The following ABLIM1 variants were observed in gnomAD, a reference collection of about 807,000 sequenced individuals.
ABLIM1 encodes the protein actin binding LIM protein 1.
A neutral mutation model predicts 107.0 loss-of-function variants in ABLIM1; 40 were observed. The ratio of observed to expected loss-of-function variants is 0.37; its 90% CI spans 0.29 to 0.49. ABLIM1 has a LOEUF of 0.49. ABLIM1 is among the 20% of genes least tolerant of loss of function. ABLIM1 has a pLI of 0.97. For missense variants in ABLIM1, 857 were observed against 1,008.5 expected (o/e 0.85, Z 2.04); for synonymous variants, 357 against 357.3 (o/e 1.00, Z 0.01).
At chr10:114,586,238 A>G (rs1470197527) in intron 2 of ABLIM1, among the ~76,000 whole-genome samples, 1 of 144,138 alleles carries the variant, frequency 6.9e-6, no homozygotes, top group Admixed American at 7.0e-5. Context: ...ATTGACCACC[A>G]CTCAATAACC....
rs1486100189 is a variant in ABLIM1 at position 114,527,366 on chromosome 10, A to AT, written c.894+17638dup. 2.0e-5 allele frequency among the ~76,000 whole-genome samples: 3 copies of AT among 152,212 alleles called. No individual in the cohort carries two copies. In the East Asian group the frequency reaches 5.8e-4, roughly 29 times the overall value. ...GACAAATATGATTGGAAAACCTCTT[A>AT]TCAAGCTTTCTTGATTCATATTTTT... On this transcript the variant is annotated intron_variant, in intron 6 of 22. Transcript: ENST00000533213.
chr10:114,492,895 G>A (rs768747684), intron 6 of ABLIM1, among the ~76,000 whole-genome samples: 15 of 152,146 alleles, frequency 9.9e-5, no homozygotes, highest in Non-Finnish European at 1.9e-4. Context: ...GATCCACTTA[G>A]CAACCAGCAC....
chr10:114,693,540 C>T (rs1180660457), intron 1 of ABLIM1, among the ~76,000 whole-genome samples: 1 of 152,208 alleles, frequency 6.6e-6, no homozygotes, highest in Admixed American at 6.5e-5. Flanking sequence ...TCAGGTCTAT[C>T]CCCTGCAGCT....
intron 1 of ABLIM1, among the ~76,000 whole-genome samples, chr10:114,710,455 C>T (rs946999812): frequency 1.3e-5 from 2 of 152,200 alleles, no homozygotes; most frequent in Non-Finnish European, 2.9e-5. Flanking sequence ...ACCATCAGAT[C>T]TCATGAGACT....
the ABLIM1 span, among the ~76,000 whole-genome samples, chr10:114,800,694 T>C: frequency 1.3e-5 from 2 of 152,088 alleles, no homozygotes; most frequent in East Asian, 3.9e-4. Context: ...GGGCTGATCA[T>C]TTGAGATTAG....
intron 1 of ABLIM1, among the ~76,000 whole-genome samples, chr10:114,676,559 A>G (rs2080496847): frequency 6.6e-6 from 1 of 152,130 alleles, no homozygotes; most frequent in Non-Finnish European, 1.5e-5. Flanking sequence ...TTATACGATT[A>G]TGTTTCTTGG....
chr10:114,782,946 C>T, the ABLIM1 span, among the ~76,000 whole-genome samples: 5 of 152,030 alleles, frequency 3.3e-5, no homozygotes, highest in African/African-American at 1.2e-4. Context: ...ATTGCAGTTC[C>T]GTTTCCTGAA....
the ABLIM1 span, among the ~76,000 whole-genome samples, chr10:114,795,508 A>C: frequency 6.6e-6 from 1 of 152,074 alleles, no homozygotes; most frequent in African/African-American, 2.4e-5. Flanking sequence ...GGAGTTTGAG[A>C]CCAGCCTGGC....
At chr10:114,695,972 T>C (rs2081186513) in intron 1 of ABLIM1, among the ~76,000 whole-genome samples, 1 of 152,224 alleles carries the variant, frequency 6.6e-6, no homozygotes, top group Non-Finnish European at 1.5e-5. Context: ...CTACATGACA[T>C]TACTTCTGCA....
At chr10:114,509,387 T>C (rs1018436343) in intron 6 of ABLIM1, among the ~76,000 whole-genome samples, 1 of 152,130 alleles carries the variant, frequency 6.6e-6, no homozygotes, top group Non-Finnish European at 1.5e-5. Context: ...AGGAGCTCTT[T>C]GCTCCCCTTG....
At chr10:114,727,268 T>C (rs2081979943) in intron 1 of ABLIM1, among the ~76,000 whole-genome samples, 1 of 152,206 alleles carries the variant, frequency 6.6e-6, no homozygotes, top group African/African-American at 2.4e-5. Flanking sequence ...TTCTTAATAG[T>C]TAACAAGATA....
At chr10:114,443,228 T>C (rs1008072001) in intron 17 of ABLIM1, among the ~76,000 whole-genome samples, 1 of 152,238 alleles carries the variant, frequency 6.6e-6, no homozygotes, top group Non-Finnish European at 1.5e-5. Flanking sequence ...AATACACTGA[T>C]AGGCTATTTC....
At chr10:114,745,578 T>G (rs2082366659) in intron 1 of ABLIM1, among the ~76,000 whole-genome samples, 1 of 151,122 alleles carries the variant, frequency 6.6e-6, no homozygotes, top group African/African-American at 2.4e-5. Context: ...ATATAAAATA[T>G]TTCCTAATTG....
chr10:114,712,442 G>A (rs1371820807), intron 1 of ABLIM1, among the ~76,000 whole-genome samples: 2 of 146,342 alleles, frequency 1.4e-5, no homozygotes, highest in Non-Finnish European at 3.0e-5. Context: ...TTACAATATA[G>A]AGATAAAAGA....
intron 7 of ABLIM1, among the ~76,000 whole-genome samples, chr10:114,491,332 C>G (rs908697291): frequency 2.0e-5 from 3 of 151,626 alleles, no homozygotes; most frequent in African/African-American, 7.3e-5. Flanking sequence ...TTTTGAAAAC[C>G]CAGAGAACAG....
intron 1 of ABLIM1, among the ~76,000 whole-genome samples, chr10:114,702,230 G>T (rs1380491009): frequency 2.0e-5 from 3 of 152,064 alleles, no homozygotes; most frequent in Non-Finnish European, 4.4e-5. Context: ...ATACCACATT[G>T]CAAGTGAAAG....
intron 10 of ABLIM1, among the ~76,000 whole-genome samples, chr10:114,469,534 C>A (rs1351760353): frequency 6.6e-6 from 1 of 152,236 alleles, no homozygotes; most frequent in Admixed American, 6.5e-5. Context: ...TGCTCAAACC[C>A]ACTGTCACAC....
chr10:114,497,308 G>C (rs1716486549), intron 6 of ABLIM1, among the ~76,000 whole-genome samples: 1 of 152,206 alleles, frequency 6.6e-6, no homozygotes, highest in Non-Finnish European at 1.5e-5. Flanking sequence ...GGCCAGCGGT[G>C]CTGCTAGAGA....
chr10:114,732,533 T>C (rs2082097795), intron 1 of ABLIM1, among the ~76,000 whole-genome samples: 1 of 152,194 alleles, frequency 6.6e-6, no homozygotes, highest in Admixed American at 6.5e-5. Flanking sequence ...AATTTTGCTT[T>C]CTCAATAATG....
Sources: allele counts gnomAD v4.1 joint callset (sites outside exome capture counted in the v4.1 genomes callset), GRCh38; gene constraint gnomAD v4.1.1; transcripts MANE v1.5; gene names NCBI Gene and HGNC (gene_info 2026-07-23, HGNC 2026-07-21).